The following EDA variants were observed in gnomAD, a reference collection of about 807,000 sequenced individuals.
EDA encodes ectodysplasin-A.
Under a neutral mutation model 23.6 loss-of-function variants are expected in EDA, and 2 were observed. That is an observed-to-expected ratio of 0.08 (90% CI 0.03 to 0.27). The LOEUF (loss-of-function observed/expected upper bound fraction) is 0.27. Among genes scored for constraint, EDA ranks in the 10% least tolerant of loss-of-function variants. The probability of loss-of-function intolerance (pLI) is 1.00; values close to 1 mark genes in which losing one functional copy is unlikely to be tolerated. For missense variants in EDA, 229 were observed against 324.2 expected (o/e 0.71, Z 2.26); for synonymous variants, 131 against 132.0 (o/e 0.99, Z 0.05).
intron 1 of EDA, among the ~76,000 whole-genome samples, chrX:69,860,633 G>T (rs996407021): frequency 9.9e-5 from 11 of 110,871 alleles, no homozygotes; most frequent in Admixed American, 3.8e-4. Context: ...TAGGTGACCT[G>T]ACCTTCTCTC....
chrX:69,751,696 T>G, intron 1 of EDA, among the ~76,000 whole-genome samples: 1 of 112,013 alleles, frequency 8.9e-6, no homozygotes, highest in African/African-American at 3.3e-5. Flanking sequence ...TCCTCTTTTA[T>G]TTCGTTAAGC....
chrX:70,026,926 C>T (rs959683121), intron 3 of EDA, among the ~76,000 whole-genome samples: 4 of 110,026 alleles, frequency 3.6e-5, no homozygotes, highest in Admixed American at 1.9e-4. Flanking sequence ...TCCTCATTCC[C>T]GACTAGCACT....
At chrX:69,648,307 A>C (rs768238964) in intron 1 of EDA, among the ~76,000 whole-genome samples, 1 of 111,792 alleles carries the variant, frequency 8.9e-6, no homozygotes, top group East Asian at 2.8e-4. Flanking sequence ...GAGTCAACCA[A>C]ACCTCAGAGA....
At chrX:69,806,771 C>T in intron 1 of EDA, among the ~76,000 whole-genome samples, 1 of 109,198 alleles carries the variant, frequency 9.2e-6, no homozygotes, top group Admixed American at 9.9e-5. Context: ...TAAGAGAGTT[C>T]CAAGCAGAGG....
intron 2 of EDA, among the ~76,000 whole-genome samples, chrX:69,972,239 T>C (rs1276851079): frequency 1.8e-5 from 2 of 111,770 alleles, no homozygotes. Flanking sequence ...TTCTCCCAAA[T>C]TTTATGATTT....
chrX:69,711,230 T>C (rs1304007747), intron 1 of EDA, among the ~76,000 whole-genome samples: 1 of 111,548 alleles, frequency 9.0e-6, no homozygotes, highest in African/African-American at 3.3e-5. Flanking sequence ...CAAAGGCCTT[T>C]TCTGCATCCA....
chrX:70,001,677 T>G (rs752398210), intron 2 of EDA, among the ~76,000 whole-genome samples: 1 of 112,757 alleles, frequency 8.9e-6, no homozygotes, highest in Non-Finnish European at 1.9e-5. Flanking sequence ...AGTTAACACA[T>G]CTCAACTACT....
chrX:69,988,241 C>G (rs1479499123), intron 2 of EDA, among the ~76,000 whole-genome samples: 1 of 111,591 alleles, frequency 9.0e-6, no homozygotes, highest in Non-Finnish European at 1.9e-5. Flanking sequence ...AGGACAGTTA[C>G]CAGAGGCTGG....
At chrX:69,802,410 A>T in intron 1 of EDA, among the ~76,000 whole-genome samples, 1 of 110,281 alleles carries the variant, frequency 9.1e-6, no homozygotes, top group Non-Finnish European at 1.9e-5. Flanking sequence ...CAAATTCAAG[A>T]TGGTATTTAA....
intron 1 of EDA, among the ~76,000 whole-genome samples, chrX:69,634,152 C>T (rs1454085344): frequency 8.9e-6 from 1 of 112,297 alleles, no homozygotes; most frequent in Non-Finnish European, 1.9e-5. Flanking sequence ...GTTTGTATAT[C>T]TTTGAAGAAA....
intron 2 of EDA, among the ~76,000 whole-genome samples, chrX:70,017,915 C>G: frequency 8.9e-6 from 1 of 111,971 alleles, no homozygotes; most frequent in Non-Finnish European, 1.9e-5. Context: ...CAAACTATCC[C>G]TCTTTGCAGA....
chrX:69,806,950 T>A (rs1418030096), intron 1 of EDA, among the ~76,000 whole-genome samples: 1 of 111,239 alleles, frequency 9.0e-6, no homozygotes, highest in Non-Finnish European at 1.9e-5. Context: ...CATGTTAAGA[T>A]CTTAGTTAAG....
At chrX:69,913,847 A>G (rs1167826393) in intron 1 of EDA, among the ~76,000 whole-genome samples, 1 of 111,496 alleles carries the variant, frequency 9.0e-6, no homozygotes, top group Non-Finnish European at 1.9e-5. Flanking sequence ...TAATTGGCCT[A>G]TTTTCAATGT....
intron 1 of EDA, among the ~76,000 whole-genome samples, chrX:69,875,497 A>G (rs2017629423): frequency 8.9e-6 from 1 of 112,302 alleles, no homozygotes; most frequent in African/African-American, 3.2e-5. Context: ...TGGATCAAGG[A>G]CTTAGAAATC....
chrX:69,922,738 G>A (rs1428191668), intron 1 of EDA, among the ~76,000 whole-genome samples: 1 of 111,555 alleles, frequency 9.0e-6, no homozygotes, highest in Non-Finnish European at 1.9e-5. Flanking sequence ...TTGTGCTTCT[G>A]TACTAATTAG....
intron 1 of EDA, among the ~76,000 whole-genome samples, chrX:69,746,064 T>C (rs1482502454): frequency 9.0e-6 from 1 of 111,191 alleles, no homozygotes; most frequent in Non-Finnish European, 1.9e-5. Context: ...CTTCCCCTCC[T>C]CTCCCTCTTC....
chrX:69,809,345 G>A (rs1490913857), intron 1 of EDA, among the ~76,000 whole-genome samples: 3 of 111,189 alleles, frequency 2.7e-5, no homozygotes, highest in East Asian at 2.8e-4. Flanking sequence ...GAGCAAAGAG[G>A]GAAGTGCTAC....
intron 1 of EDA, among the ~76,000 whole-genome samples, chrX:69,884,449 C>CTT (rs2017797198): frequency 1.8e-5 from 2 of 112,042 alleles, no homozygotes; most frequent in South Asian, 7.4e-4. Context: ...GAATGATAGA[C>CTT]TTTAAATGGA....
intron 1 of EDA, among the ~76,000 whole-genome samples, chrX:69,853,235 C>T (rs1425046006): frequency 9.0e-6 from 1 of 111,216 alleles, no homozygotes; most frequent in African/African-American, 3.3e-5. Flanking sequence ...GAAAAAGAAC[C>T]AAGTAGAATA....
Sources: gnomAD v4.1 joint callset for allele counts (sites outside exome capture counted in the v4.1 genomes callset) on GRCh38, gnomAD v4.1.1 for gene constraint, MANE v1.5 for transcripts, NCBI Gene and HGNC (gene_info 2026-07-23, HGNC 2026-07-21) for gene names.